The following THRB variants were observed in gnomAD, a reference collection of about 807,000 sequenced individuals.
THRB encodes thyroid hormone receptor beta, also known as nuclear receptor subfamily 1 group A member 2.
A neutral mutation model predicts 47.8 loss-of-function variants in THRB; 12 were observed. The observed-to-expected ratio is 0.25, with a 90% CI of 0.16 to 0.41. The LOEUF is 0.41. Among genes scored for constraint, THRB ranks in the 10% least tolerant of loss-of-function variants. THRB has a pLI of 1.00. For missense variants in THRB, 348 were observed against 589.2 expected (o/e 0.59, Z 4.24); for synonymous variants, 218 against 212.2 (o/e 1.03, Z -0.24).
At chr3:24,263,859 G>GA (rs1202264447) in intron 3 of THRB, among the ~76,000 whole-genome samples, 1 of 152,126 alleles carries the variant, frequency 6.6e-6, no homozygotes, top group Non-Finnish European at 1.5e-5. Context: ...ATGGACAGTT[G>GA]ATACTACATG....
At chr3:24,257,474 A>AT (rs1418657153) in intron 3 of THRB, among the ~76,000 whole-genome samples, 1 of 152,222 alleles carries the variant, frequency 6.6e-6, no homozygotes, top group East Asian at 1.9e-4. Flanking sequence ...ATAGTAAAAA[A>AT]AGAAATTTAG....
chr3:24,246,937 A>C (rs2050165534), intron 3 of THRB, among the ~76,000 whole-genome samples: 1 of 152,220 alleles, frequency 6.6e-6, no homozygotes, highest in Admixed American at 6.5e-5. Flanking sequence ...TTTTCAGAAA[A>C]AAATTCATGT....
intron 1 of THRB, among the ~76,000 whole-genome samples, chr3:24,462,005 C>T (rs2073745447): frequency 6.6e-6 from 1 of 152,160 alleles, no homozygotes; most frequent in Admixed American, 6.5e-5. Context: ...TATAAAGCCT[C>T]ATCCTGTTTC....
chr3:24,426,435 C>A (rs1023708439), intron 1 of THRB, among the ~76,000 whole-genome samples: 13 of 151,778 alleles, frequency 8.6e-5, no homozygotes, highest in African/African-American at 2.9e-4. Flanking sequence ...GGTGATTCAC[C>A]TCATTTTATT....
chr3:24,400,585 A>C (rs1322469621), intron 1 of THRB, among the ~76,000 whole-genome samples: 1 of 152,104 alleles, frequency 6.6e-6, no homozygotes, highest in Non-Finnish European at 1.5e-5. Flanking sequence ...ACCTTGCAGG[A>C]AGGCAAAAGA....
chr3:24,202,565 T>G (rs1419911230), intron 4 of THRB, among the ~76,000 whole-genome samples: 1 of 152,200 alleles, frequency 6.6e-6, no homozygotes, highest in African/African-American at 2.4e-5. Flanking sequence ...ACCAAGGTCA[T>G]GAAGAATCAA....
chr3:24,237,969 G>A (rs2049040756), intron 3 of THRB: 4 of 152,144 alleles, frequency 2.6e-5, no homozygotes. Flanking sequence ...AAAACAGCCA[G>A]TAAAAATTTT....
At chr3:24,470,188 G>A (rs184208181) in intron 1 of THRB, among the ~76,000 whole-genome samples, 3 of 152,216 alleles carry the variant, frequency 2.0e-5, no homozygotes, top group East Asian at 3.9e-4. Flanking sequence ...AACACCAGAC[G>A]CTAGATAGGC....
chr3:24,458,416 T>G (rs1307626276), intron 1 of THRB: 1 of 152,150 alleles, frequency 6.6e-6, no homozygotes, highest in Non-Finnish European at 1.5e-5. Flanking sequence ...TAGTTTACAT[T>G]CAGAATAATT....
intron 1 of THRB, among the ~76,000 whole-genome samples, chr3:24,354,601 T>C (rs1384099426): frequency 6.6e-6 from 1 of 151,954 alleles, no homozygotes; most frequent in Non-Finnish European, 1.5e-5. Flanking sequence ...CTACTGAGAG[T>C]ACACACTGGA....
intron 1 of THRB, chr3:24,458,131 A>C (rs2125616270): frequency 6.6e-6 from 1 of 152,328 alleles, no homozygotes; most frequent in African/African-American, 2.4e-5. Context: ...GCATTGTAAA[A>C]GGAAAAATAA....
chr3:24,436,410 C>A (rs995766550), intron 1 of THRB, among the ~76,000 whole-genome samples: 1 of 152,112 alleles, frequency 6.6e-6, no homozygotes, highest in African/African-American at 2.4e-5. Context: ...CGATGCACGA[C>A]TTGATCATGA....
intron 4 of THRB, among the ~76,000 whole-genome samples, chr3:24,211,467 C>T (rs531545637): frequency 2.0e-5 from 3 of 152,182 alleles, no homozygotes; most frequent in South Asian, 4.2e-4. Context: ...ATGATACAGC[C>T]GATTTGTTAG....
intron 1 of THRB, among the ~76,000 whole-genome samples, chr3:24,379,429 C>A (rs934981226): frequency 2.0e-5 from 3 of 152,046 alleles, no homozygotes; most frequent in Non-Finnish European, 4.4e-5. Flanking sequence ...GAAAAGGACC[C>A]ATGTCTCAAG....
At chr3:24,265,968 T>C (rs1421815452) in intron 3 of THRB, among the ~76,000 whole-genome samples, 4 of 152,362 alleles carry the variant, frequency 2.6e-5, no homozygotes, top group Admixed American at 2.6e-4. Context: ...GTATTTTCTT[T>C]ATAATACTTT....
At chr3:24,335,430 T>C (rs957337214) in intron 2 of THRB, among the ~76,000 whole-genome samples, 2 of 152,242 alleles carry the variant, frequency 1.3e-5, no homozygotes, top group Admixed American at 1.3e-4. Flanking sequence ...ACAGCCCACA[T>C]AGCTTTAAGG....
At chr3:24,467,276 T>A (rs1226106138) in intron 1 of THRB, among the ~76,000 whole-genome samples, 6 of 152,266 alleles carry the variant, frequency 3.9e-5, no homozygotes, top group Non-Finnish European at 8.8e-5. Context: ...TTCCATAGCA[T>A]CTGCAGTTAC....
intron 1 of THRB, among the ~76,000 whole-genome samples, chr3:24,363,552 C>A (rs993687325): frequency 3.3e-5 from 5 of 152,034 alleles, no homozygotes; most frequent in African/African-American, 1.2e-4. Flanking sequence ...TAAACCAAAA[C>A]GTGAAGCTCA....
intron 4 of THRB, among the ~76,000 whole-genome samples, chr3:24,200,493 A>G (rs1276697461): frequency 1.3e-5 from 2 of 152,234 alleles, no homozygotes; most frequent in Non-Finnish European, 2.9e-5. Context: ...AAATCTCAGT[A>G]CTTGGCAGCA....
Sources: allele counts gnomAD v4.1 joint callset (sites outside exome capture counted in the v4.1 genomes callset), GRCh38; gene constraint gnomAD v4.1.1; transcripts MANE v1.5; gene names NCBI Gene and HGNC (gene_info 2026-07-23, HGNC 2026-07-21).